The following CLMP variants were observed in gnomAD, a reference collection of about 807,000 sequenced individuals.
CLMP encodes the protein CXADR like cell adhesion molecule, also known as CXADR-like membrane protein.
CLMP carries 27 observed loss-of-function variants against 45.2 expected under a neutral mutation model. The ratio of observed to expected loss-of-function variants is 0.60; its 90% confidence interval spans 0.44 to 0.82. The LOEUF is 0.82. CLMP is among the 40% of genes least tolerant of loss of function. CLMP has a pLI of 0.00. For synonymous variants in CLMP, 167 were observed against 171.4 expected, an observed-to-expected ratio of 0.97 and a Z score of 0.20; for missense variants, 403 against 448.4, an observed-to-expected ratio of 0.90 and a Z score of 0.91.
At chr11:123,075,709 A>G (rs117854976) in intron 5 of CLMP, among the ~76,000 whole-genome samples, 84 of 152,218 alleles carry the variant, frequency 5.5e-4, no homozygotes, top group Non-Finnish European at 1.1e-3. Context: ...TTTAGTGAAT[A>G]AGTCTGGGTG....
At chr11:123,088,237 A>G (rs1002949116) in intron 2 of CLMP, among the ~76,000 whole-genome samples, 1 of 152,154 alleles carries the variant, frequency 6.6e-6, no homozygotes, top group Non-Finnish European at 1.5e-5. Flanking sequence ...GGCAGGTGAT[A>G]GAGCTGACTT....
At chr11:123,163,712 C>A (rs1333345591) in intron 1 of CLMP, among the ~76,000 whole-genome samples, 1 of 151,752 alleles carries the variant, frequency 6.6e-6, no homozygotes, top group Non-Finnish European at 1.5e-5. Context: ...GGAGAAGGTC[C>A]TAAGGTAATG....
intron 1 of CLMP, among the ~76,000 whole-genome samples, chr11:123,110,185 A>T (rs973910892): frequency 1.3e-5 from 2 of 151,986 alleles, no homozygotes; most frequent in African/African-American, 4.8e-5. Context: ...TGCCCATGCG[A>T]TGGCTCACGC....
intron 2 of CLMP, among the ~76,000 whole-genome samples, chr11:123,089,796 AAAAGAAAAAG>A (rs1865908789): frequency 1.0e-5 from 1 of 100,494 alleles, no homozygotes; most frequent in African/African-American, 4.0e-5. Context: ...AAAAAAAAGA[AAAAGAAAAAG>A]AAACAAAACA....
At chr11:123,165,686 G>A (rs943114349) in intron 1 of CLMP, among the ~76,000 whole-genome samples, 3 of 152,044 alleles carry the variant, frequency 2.0e-5, no homozygotes, top group South Asian at 2.1e-4. Flanking sequence ...GAAATTCACC[G>A]AGCCAGCTTC....
chr11:123,165,109 A>G (rs369947608), intron 1 of CLMP, among the ~76,000 whole-genome samples: 81 of 152,324 alleles, frequency 5.3e-4, no homozygotes, highest in African/African-American at 1.9e-3. Flanking sequence ...CAGACCAGAG[A>G]CAACTTTTCC....
intron 1 of CLMP, among the ~76,000 whole-genome samples, chr11:123,135,766 G>A (rs1861062420): frequency 6.6e-6 from 1 of 152,050 alleles, no homozygotes. Flanking sequence ...GCCTAGCCTC[G>A]GGTGGCAAAA....
intron 1 of CLMP, among the ~76,000 whole-genome samples, chr11:123,160,896 T>A (rs750764161): frequency 1.3e-5 from 2 of 151,112 alleles, no homozygotes; most frequent in Non-Finnish European, 2.9e-5. Flanking sequence ...GAGAATTGCT[T>A]GAACCCAGGA....
At chr11:123,175,451 C>T (rs1861686369) in intron 1 of CLMP, among the ~76,000 whole-genome samples, 1 of 150,594 alleles carries the variant, frequency 6.6e-6, no homozygotes, top group Admixed American at 6.6e-5. Context: ...GATTACGGGT[C>T]CCTCCCTTGA....
intron 1 of CLMP, among the ~76,000 whole-genome samples, chr11:123,185,238 T>C (rs1382630499): frequency 6.6e-6 from 1 of 151,504 alleles, no homozygotes; most frequent in Non-Finnish European, 1.5e-5. Context: ...GGTTGTGCAG[T>C]GAGAATTTGG....
intron 1 of CLMP, among the ~76,000 whole-genome samples, chr11:123,124,979 A>G (rs891020756): frequency 7.9e-5 from 12 of 151,974 alleles, no homozygotes; most frequent in African/African-American, 2.4e-4. Flanking sequence ...TCACTGCAAC[A>G]TTTGCCTCCT....
At chr11:123,194,853 G>A (rs1399175955) in intron 1 of CLMP, 60 bp downstream of exon 1, 7 of 1,602,780 alleles carry the variant, frequency 4.4e-6, no homozygotes, top group African/African-American at 2.7e-5. Flanking sequence ...CGTCTTTCCC[G>A]GACGCAGGGC....
intron 1 of CLMP, among the ~76,000 whole-genome samples, chr11:123,152,907 G>A (rs1861358555): frequency 6.6e-6 from 1 of 152,146 alleles, no homozygotes; most frequent in South Asian, 2.1e-4. Context: ...AGGATCTTGA[G>A]CATAGAGGTT....
At chr11:123,104,710 C>T (rs1860513132) in intron 1 of CLMP, among the ~76,000 whole-genome samples, 1 of 152,104 alleles carries the variant, frequency 6.6e-6, no homozygotes, top group South Asian at 2.1e-4. Flanking sequence ...CAAGGCTTAG[C>T]AGTGCTCATG....
At chr11:123,186,305 G>C (rs1861833697) in intron 1 of CLMP, among the ~76,000 whole-genome samples, 1 of 152,180 alleles carries the variant, frequency 6.6e-6, no homozygotes, top group Admixed American at 6.5e-5. Flanking sequence ...AACACTGAAA[G>C]CAGAAACGAA....
In CLMP at chr11:123,082,602, G is replaced by GTTT. The variant is rs72001163; in HGVS notation, c.679+480_679+482dup. Reference sequence around the variant, plus strand: ...AGGCATGAGCCGCCACGCTGGGCTGGTTTTTTTTGTGTGTGTTTTTTTTTT... The same window carrying GTTT: ...AGGCATGAGCCGCCACGCTGGGCTGGTTTTTTTTTTTGTGTGTGTTTTTTTTTT... On this transcript the variant is annotated intron_variant, in intron 5 of 6. Coordinates refer to ENST00000448775, the MANE Select transcript of CLMP (RefSeq NM_024769.5). Among the ~76,000 whole-genome samples the GTTT allele has an allele frequency of 8.9e-3, 1,263 of 141,334 alleles. 12 individuals are homozygous for GTTT. The highest frequency in any genetic ancestry group is 0.024 in the South Asian group (110 of 4,520). The allele number at this position is 141,334 out of a possible 152,430, so 92.7% of individuals were successfully genotyped here.
At chr11:123,118,934 TTTCTTTC>T (rs1309264435) in intron 1 of CLMP, among the ~76,000 whole-genome samples, 536 of 28,104 alleles carry the variant, frequency 0.019, 19 homozygotes, top group African/African-American at 0.044. Context: ...TTTTCTTTTC[TTTCTTTC>T]TTTCTTTCTT....
rs953340404 is a variant in CLMP, at chr11:123,087,787, C to T, written c.187-3074G>A. On this transcript the variant is annotated intron_variant, in intron 2 of 6. Coordinates refer to ENST00000448775, the MANE Select transcript of CLMP (RefSeq NM_024769.5). The stretch of plus-strand genomic sequence containing the variant: ...AGTGAGCCAAGATCATGCCACTGCA[C>T]TCCAGCCTAGGGACAGAGTGAGACT... 2.6e-5 allele frequency among the ~76,000 whole-genome samples: 4 copies of T among 152,122 alleles called. No homozygotes were observed. The East Asian group carries it at 7.7e-4, about 29-fold the overall frequency.
intron 1 of CLMP, among the ~76,000 whole-genome samples, chr11:123,142,497 G>T (rs1308411235): frequency 1.3e-5 from 2 of 152,180 alleles, no homozygotes; most frequent in African/African-American, 2.4e-5. Context: ...GAAACCTATA[G>T]TAAGCGGCTT....
Sources: gnomAD v4.1 joint callset for allele counts (sites outside exome capture counted in the v4.1 genomes callset) on GRCh38, gnomAD v4.1.1 for gene constraint, MANE v1.5 for transcripts, NCBI Gene and HGNC (gene_info 2026-07-23, HGNC 2026-07-21) for gene names.